FBXL7: variants seen among roughly 807,000 people sequenced by gnomAD.
The protein encoded by FBXL7 is F-box and leucine rich repeat protein 7.
In FBXL7, 12 loss-of-function variants were observed where a neutral mutation model predicts 38.3. That is an observed-to-expected ratio of 0.31 (90% CI 0.20 to 0.51). The LOEUF is 0.51. Among genes scored for constraint, FBXL7 ranks in the 20% least tolerant of loss-of-function variants. The probability of loss-of-function intolerance (pLI) is 0.98; values close to 1 mark genes in which losing one functional copy is unlikely to be tolerated. For missense variants in FBXL7, 567 were observed against 676.4 expected, an observed-to-expected ratio of 0.84 and a Z score of 1.79; for synonymous variants, 297 against 300.9, an observed-to-expected ratio of 0.99 and a Z score of 0.13.
intron 2 of FBXL7, among the ~76,000 whole-genome samples, chr5:15,924,357 A>G (rs1741823884): frequency 6.6e-6 from 1 of 152,236 alleles, no homozygotes; most frequent in Admixed American, 6.5e-5. Flanking sequence ...TATCATAAAC[A>G]ATGGCAGGTG....
intron 2 of FBXL7, among the ~76,000 whole-genome samples, chr5:15,846,229 A>G (rs1738899369): frequency 6.6e-6 from 1 of 152,238 alleles, no homozygotes; most frequent in South Asian, 2.1e-4. Context: ...TTCCATATCC[A>G]TAGCTTATAA....
chr5:15,706,256 G>A (rs1177795780), intron 2 of FBXL7, among the ~76,000 whole-genome samples: 3 of 152,132 alleles, frequency 2.0e-5, no homozygotes, highest in Non-Finnish European at 4.4e-5. Context: ...ATAATAGTGA[G>A]TTTTCAAAAG....
intron 2 of FBXL7, among the ~76,000 whole-genome samples, chr5:15,916,840 A>T (rs1741596567): frequency 6.6e-6 from 1 of 152,236 alleles, no homozygotes; most frequent in Non-Finnish European, 1.5e-5. Context: ...ATTTATAAAG[A>T]TGGGAGTATT....
At chr5:15,670,809 T>A (rs1295461725) in intron 2 of FBXL7, among the ~76,000 whole-genome samples, 2 of 147,218 alleles carry the variant, frequency 1.4e-5, no homozygotes, top group South Asian at 2.2e-4. Flanking sequence ...TCAAAAAAAA[T>A]AAAAATAAAA....
chr5:15,650,038 A>G (rs935740814), intron 2 of FBXL7, among the ~76,000 whole-genome samples: 2 of 152,212 alleles, frequency 1.3e-5, no homozygotes, highest in African/African-American at 4.8e-5. Context: ...GCCGCACTAA[A>G]AGTCACTTCA....
At chr5:15,919,997 G>A (rs1251499634) in intron 2 of FBXL7, among the ~76,000 whole-genome samples, 1 of 152,172 alleles carries the variant, frequency 6.6e-6, no homozygotes, top group African/African-American at 2.4e-5. Context: ...GGTGGCTCAC[G>A]CCTGTAGTCC....
intron 2 of FBXL7, among the ~76,000 whole-genome samples, chr5:15,809,870 T>C (rs434475): frequency 0.53 from 81,110 of 152,058 alleles, 22,900 homozygotes; most frequent in Non-Finnish European, 0.64. Flanking sequence ...CTGAGAGTTA[T>C]GATATTTTAT....
chr5:15,558,755 TCTC>T (rs1230420805), intron 1 of FBXL7, among the ~76,000 whole-genome samples: 3 of 152,200 alleles, frequency 2.0e-5, no homozygotes, highest in African/African-American at 7.2e-5. Context: ...AGAATTATTT[TCTC>T]CTCTCATACT....
intron 2 of FBXL7, among the ~76,000 whole-genome samples, chr5:15,623,060 T>C (rs1740705285): frequency 6.6e-6 from 1 of 152,302 alleles, no homozygotes; most frequent in Middle Eastern, 3.4e-3. Context: ...GTTGGTGCAG[T>C]ATTGTTTCGA....
Position 15,938,080 on chromosome 5 carries a change from T to G in FBXL7, c.*894T>G, listed in dbSNP as rs1457004703. ...GTCCTTTGGCTGCAAATCACCCACT[T>G]CCCTGTGTTTCAGTGGGAGAATTTC... On this transcript the variant is annotated 3_prime_UTR_variant, in exon 4 of 4. Transcript: ENST00000504595. 1 of 152,120 alleles carries G rather than the reference T, an allele frequency of 6.6e-6. No homozygotes were observed. The allele number at this position is 152,120 out of a possible 1,614,324, so 9.4% of individuals were successfully genotyped here.
intron 3 of FBXL7, among the ~76,000 whole-genome samples, chr5:15,933,136 C>A (rs1416594177): frequency 1.3e-5 from 2 of 152,188 alleles, no homozygotes; most frequent in Non-Finnish European, 2.9e-5. Flanking sequence ...GAGCCATGAA[C>A]CAATTTACTT....
At chr5:15,762,789 T>A (rs149226545) in intron 2 of FBXL7, among the ~76,000 whole-genome samples, 2 of 152,306 alleles carry the variant, frequency 1.3e-5, no homozygotes, top group African/African-American at 4.8e-5. Context: ...AATTTAACAT[T>A]TTGGTTGAAA....
chr5:15,717,101 C>G (rs1182495916), intron 2 of FBXL7, among the ~76,000 whole-genome samples: 1 of 152,166 alleles, frequency 6.6e-6, no homozygotes, highest in Non-Finnish European at 1.5e-5. Flanking sequence ...ATCTTATTAT[C>G]TTCAAAGACT....
At chr5:15,805,250 C>T (rs1737677686) in intron 2 of FBXL7, among the ~76,000 whole-genome samples, 1 of 152,164 alleles carries the variant, frequency 6.6e-6, no homozygotes, top group South Asian at 2.1e-4. Flanking sequence ...TCTGGGAGCA[C>T]AGTTCTGCCC....
chr5:15,653,054 A>C (rs1345740174), intron 2 of FBXL7, among the ~76,000 whole-genome samples: 1 of 152,174 alleles, frequency 6.6e-6, no homozygotes, highest in East Asian at 1.9e-4. Context: ...CAAAATCCCA[A>C]ACCTTTATTG....
chr5:15,917,890 G>A (rs1579600041), intron 2 of FBXL7, among the ~76,000 whole-genome samples: 1 of 151,532 alleles, frequency 6.6e-6, no homozygotes, highest in Non-Finnish European at 1.5e-5. Flanking sequence ...GCCTCTAATA[G>A]CAATGCTACT....
intron 1 of FBXL7, among the ~76,000 whole-genome samples, chr5:15,570,577 A>T (rs1738743118): frequency 6.6e-6 from 1 of 152,168 alleles, no homozygotes; most frequent in Non-Finnish European, 1.5e-5. Flanking sequence ...AGTCTAAGAT[A>T]AAGGAGGTGG....
chr5:15,637,023 A>G (rs1472176168), intron 2 of FBXL7, among the ~76,000 whole-genome samples: 1 of 152,142 alleles, frequency 6.6e-6, no homozygotes, highest in African/African-American at 2.4e-5. Context: ...TTTGGCAGAG[A>G]GGAAAGATGA....
intron 2 of FBXL7, among the ~76,000 whole-genome samples, chr5:15,815,787 T>G (rs1737997637): frequency 6.6e-6 from 1 of 152,182 alleles, no homozygotes; most frequent in South Asian, 2.1e-4. Flanking sequence ...GATGCTGAGT[T>G]TTGGCTGAGG....
Sources: gnomAD v4.1 joint callset for allele counts (sites outside exome capture counted in the v4.1 genomes callset) on GRCh38, gnomAD v4.1.1 for gene constraint, MANE v1.5 for transcripts, NCBI Gene and HGNC (gene_info 2026-07-23, HGNC 2026-07-21) for gene names.